The following MYO3B variants were observed in gnomAD, a reference collection of about 807,000 sequenced individuals.
MYO3B encodes myosin IIIB, also known as myosin-IIIb.
MYO3B carries 156 observed loss-of-function variants against 174.6 expected under a neutral mutation model. The ratio of observed to expected loss-of-function variants is 0.89; its 90% CI spans 0.78 to 1.02. MYO3B has a LOEUF of 1.02. Among genes scored for constraint, MYO3B ranks in the 50% least tolerant of loss-of-function variants. The pLI is 0.00. For missense variants in MYO3B, 1,632 were observed against 1,639.4 expected (o/e 1.00, Z 0.08); for synonymous variants, 563 against 569.1 (o/e 0.99, Z 0.15).
chr2:170,309,621 A>G lies in MYO3B; in HGVS notation c.750-25764A>G, dbSNP rs151166579. Among the ~76,000 whole-genome samples the G allele has an allele frequency of 4.9e-3, 745 of 152,174 alleles. 3 individuals are homozygous for G. The highest frequency in any genetic ancestry group is 7.5e-3 in the Non-Finnish European group (507 of 68,008). On this transcript the variant is annotated intron_variant, in intron 7 of 34. Coordinates refer to ENST00000408978, the MANE Select transcript of MYO3B (RefSeq NM_138995.5). ...CTAGACTGGCATGCGTGTGCTCACT[A>G]TTTTATCCCCAGTCCAGTGCCTGCT...
chr2:170,492,803 T>C (rs1057172249), intron 25 of MYO3B, among the ~76,000 whole-genome samples: 1 of 152,182 alleles, frequency 6.6e-6, no homozygotes, highest in African/African-American at 2.4e-5. Flanking sequence ...CAATGTTTGG[T>C]CGTTACAGTT....
intron 32 of MYO3B, among the ~76,000 whole-genome samples, chr2:170,555,268 T>C (rs77006205): frequency 2.0e-5 from 3 of 152,178 alleles, no homozygotes; most frequent in East Asian, 1.9e-4. Flanking sequence ...TGAGCCCATA[T>C]TGATACACTA....
intron 16 of MYO3B, among the ~76,000 whole-genome samples, chr2:170,394,770 T>G (rs2094434640): frequency 6.6e-6 from 1 of 152,244 alleles, no homozygotes; most frequent in Non-Finnish European, 1.5e-5. Context: ...GTTCTATCTC[T>G]GCTGACAACC....
At chr2:170,605,259 C>T (rs759360501) in intron 32 of MYO3B, among the ~76,000 whole-genome samples, 3 of 152,218 alleles carry the variant, frequency 2.0e-5, no homozygotes, top group Non-Finnish European at 4.4e-5. Context: ...CTCATGGCTG[C>T]TCTTTGTTTC....
Position 170,619,737 on chromosome 2 carries a change from C to CTTTTTTTTTTTTTTTTTTTTTTT in MYO3B, c.3734-31886_3734-31864dup, listed in dbSNP as rs71412032. ...GATGGCCCATCACTGCTGCCATATT[C>CTTTTTTTTTTTTTTTTTTTTTTT]TTTTTTTTTTTTTTTTTTTTTTTTT... On this transcript the variant is annotated intron_variant, in intron 32 of 34. Transcript: ENST00000408978. 1.2e-4 allele frequency among the ~76,000 whole-genome samples: 6 copies of CTTTTTTTTTTTTTTTTTTTTTTT among 50,780 alleles called. 2 individuals carry two copies. The highest frequency in any genetic ancestry group is 2.0e-4 in the Non-Finnish European group (6 of 29,644). 33.3% of individuals were successfully genotyped at this position (50,780 alleles called of 152,430 possible).
intron 17 of MYO3B, among the ~76,000 whole-genome samples, chr2:170,401,089 A>T (rs60224451): frequency 0.033 from 4,957 of 152,286 alleles, 230 homozygotes; most frequent in East Asian, 0.24. Context: ...GAATCCTCAA[A>T]TATGAACAAC....
At chr2:170,227,368 T>A (rs977145097) in intron 6 of MYO3B, among the ~76,000 whole-genome samples, 2 of 152,180 alleles carry the variant, frequency 1.3e-5, no homozygotes, top group Non-Finnish European at 2.9e-5. Flanking sequence ...CACTGCGACC[T>A]CCACCTCCAG....
intron 5 of MYO3B, among the ~76,000 whole-genome samples, chr2:170,216,982 TC>T (rs1361006952): frequency 6.6e-6 from 1 of 151,984 alleles, no homozygotes; most frequent in Non-Finnish European, 1.5e-5. Context: ...ATGACCTACC[TC>T]CTATTTTCAT....
intron 23 of MYO3B, among the ~76,000 whole-genome samples, chr2:170,457,062 A>T (rs1403803493): frequency 6.6e-6 from 1 of 152,258 alleles, no homozygotes; most frequent in Non-Finnish European, 1.5e-5. Context: ...TACAGTAAAA[A>T]TGTGGTACAA....
intron 32 of MYO3B, among the ~76,000 whole-genome samples, chr2:170,632,429 A>C (rs1447705348): frequency 6.6e-6 from 1 of 152,312 alleles, no homozygotes; most frequent in Admixed American, 6.5e-5. Flanking sequence ...TTTGAAACCA[A>C]CGAGAACAAA....
intron 7 of MYO3B, among the ~76,000 whole-genome samples, chr2:170,263,068 A>G (rs567626364): frequency 6.6e-6 from 1 of 152,350 alleles, no homozygotes; most frequent in African/African-American, 2.4e-5. Context: ...ACTAAGCAGC[A>G]GGAGATCTTA....
intron 17 of MYO3B, 70 bp downstream of exon 17, chr2:170,400,384 A>G (rs2094467143): frequency 4.6e-6 from 7 of 1,513,146 alleles, no homozygotes; most frequent in Non-Finnish European, 6.2e-6. Context: ...GTAAAATATA[A>G]TGCAGCATTT....
intron 1 of MYO3B, among the ~76,000 whole-genome samples, chr2:170,193,783 A>G (rs932293967): frequency 5.3e-5 from 8 of 152,282 alleles, no homozygotes; most frequent in Admixed American, 2.0e-4. Context: ...GAAAATTAAC[A>G]TACATATTTT....
chr2:170,539,963 C>T (rs1004096952), intron 30 of MYO3B, among the ~76,000 whole-genome samples: 1 of 152,132 alleles, frequency 6.6e-6, no homozygotes, highest in African/African-American at 2.4e-5. Context: ...TCTGGCATCA[C>T]CTTTTCCATA....
chr2:170,382,648 G>A (rs1269209220), intron 10 of MYO3B: 1 of 176,532 alleles, frequency 5.7e-6, no homozygotes, highest in African/African-American at 2.4e-5. Context: ...ATACAAAGTG[G>A]TTAATTCTGT....
intron 22 of MYO3B, among the ~76,000 whole-genome samples, chr2:170,431,742 G>A (rs2094710740): frequency 6.6e-6 from 1 of 152,188 alleles, no homozygotes; most frequent in Admixed American, 6.5e-5. Flanking sequence ...TTTGTTATCT[G>A]TGCATACCTT....
chr2:170,489,642 T>TGA (rs1686311595), intron 25 of MYO3B, among the ~76,000 whole-genome samples: 1 of 147,712 alleles, frequency 6.8e-6, no homozygotes. Context: ...GGGGTGTGTG[T>TGA]GTGTGTGTGT....
At chr2:170,648,940 AATAT>A (rs1211257452) in intron 32 of MYO3B, among the ~76,000 whole-genome samples, 1 of 104,538 alleles carries the variant, frequency 9.6e-6, no homozygotes, top group Non-Finnish European at 1.7e-5. Context: ...TATGATATAT[AATAT>A]ATATAAAATA....
chr2:170,247,528 A>G (rs573198140), intron 7 of MYO3B, among the ~76,000 whole-genome samples: 1 of 152,320 alleles, frequency 6.6e-6, no homozygotes, highest in South Asian at 2.1e-4. Flanking sequence ...CAACTGGCCT[A>G]TTTAGGGTGT....
Sources: allele counts gnomAD v4.1 joint callset (sites outside exome capture counted in the v4.1 genomes callset), GRCh38; gene constraint gnomAD v4.1.1; transcripts MANE v1.5; gene names NCBI Gene and HGNC (gene_info 2026-07-23, HGNC 2026-07-21).